The following CYSTM1 variants were observed in gnomAD, a reference collection of about 807,000 sequenced individuals.
CYSTM1 encodes cysteine rich transmembrane module containing 1.
Under a neutral mutation model 13.1 loss-of-function variants are expected in CYSTM1, and 4 were observed. The observed-to-expected ratio is 0.31, with a 90% CI of 0.15 to 0.70. CYSTM1 has a LOEUF of 0.70. Ranked by LOEUF, CYSTM1 falls within the 30% of genes least tolerant of loss-of-function variation. The probability of loss-of-function intolerance (pLI) is 0.72; values close to 1 mark genes in which losing one functional copy is unlikely to be tolerated. For missense variants in CYSTM1, 96 were observed against 121.6 expected (o/e 0.79, Z 0.99); for synonymous variants, 36 against 42.7 (o/e 0.84, Z 0.62).
intron 2 of CYSTM1, among the ~76,000 whole-genome samples, chr5:140,220,192 G>C (rs1764473299): frequency 6.6e-6 from 1 of 152,150 alleles, no homozygotes; most frequent in African/African-American, 2.4e-5. Flanking sequence ...TTGCTGCTCA[G>C]CAGGGTATGA....
intron 2 of CYSTM1, among the ~76,000 whole-genome samples, chr5:140,236,022 C>G (rs1035285564): frequency 2.0e-5 from 3 of 152,196 alleles, no homozygotes; most frequent in Non-Finnish European, 4.4e-5. Context: ...TAAGGCTTGT[C>G]TTCCCCTCAG....
intron 1 of CYSTM1, among the ~76,000 whole-genome samples, chr5:140,184,739 A>G (rs1386809583): frequency 6.6e-6 from 1 of 152,194 alleles, no homozygotes; most frequent in Non-Finnish European, 1.5e-5. Flanking sequence ...GGTTCTTTAC[A>G]GAAAGCTTTA....
chr5:140,221,744 T>A (rs1764495277), intron 2 of CYSTM1, among the ~76,000 whole-genome samples: 1 of 152,216 alleles, frequency 6.6e-6, no homozygotes, highest in South Asian at 2.1e-4. Context: ...AGGAGCAGGA[T>A]GTCTTTGAAG....
intron 2 of CYSTM1, among the ~76,000 whole-genome samples, chr5:140,228,577 G>C (rs1764586991): frequency 6.6e-6 from 1 of 152,196 alleles, no homozygotes; most frequent in African/African-American, 2.4e-5. Flanking sequence ...CAGTGAACCA[G>C]ATCAGCTTGG....
At chr5:140,190,291 GGTT>G (rs1305624239) in intron 1 of CYSTM1, among the ~76,000 whole-genome samples, 1 of 151,568 alleles carries the variant, frequency 6.6e-6, no homozygotes, top group Non-Finnish European at 1.5e-5. Flanking sequence ...TGGATATTTA[GGTT>G]GTTTTTTTCC....
chr5:140,190,086 T>A (rs991143181), intron 1 of CYSTM1, among the ~76,000 whole-genome samples: 1 of 152,194 alleles, frequency 6.6e-6, no homozygotes, highest in African/African-American at 2.4e-5. Context: ...GACTGTACTG[T>A]ATGGATGTGG....
At chr5:140,240,712 G>C (rs562772881) in intron 2 of CYSTM1, among the ~76,000 whole-genome samples, 1 of 152,198 alleles carries the variant, frequency 6.6e-6, no homozygotes, top group East Asian at 1.9e-4. Context: ...CCTGCACCTA[G>C]AAGATGCAGT....
In CYSTM1 at chr5:140,239,679, C is replaced by T. The variant is rs879615330; in HGVS notation, c.188-3626C>T. Among the ~76,000 whole-genome samples the T allele has an allele frequency of 6.6e-6, 1 of 152,234 alleles. No homozygotes were observed. Among genetic ancestry groups the T allele is most frequent in the Admixed American group, 6.5e-5 (1 of 15,288 alleles). On this transcript the variant is annotated intron_variant, in intron 2 of 2. Coordinates refer to ENST00000261811, the MANE Select transcript of CYSTM1 (RefSeq NM_032412.4). This position sits in a 1 kb window ranked among gnomAD's most constrained non-coding sequence, Gnocchi z 5.4. ...GCCACATCTGTGTGCTCACGCACCT[C>T]TCCCTGCACGTTCCCCACCCCACAC...
At chr5:140,185,352 A>G (rs985690104) in intron 1 of CYSTM1, among the ~76,000 whole-genome samples, 12 of 152,242 alleles carry the variant, frequency 7.9e-5, no homozygotes, top group African/African-American at 2.7e-4. Context: ...TGTTGATACA[A>G]AAGATACGTT....
chr5:140,243,492 C>G lies in CYSTM1; in HGVS notation c.*81C>G. 8.3e-7 allele frequency: 1 copy of G among 1,203,962 alleles called. No individual in the cohort carries two copies. Among genetic ancestry groups the G allele is most frequent in the East Asian group, 2.4e-5 (1 of 41,398 alleles). The allele number at this position is 1,203,962 out of a possible 1,614,324, so 74.6% of individuals were successfully genotyped here. On this transcript the variant is annotated 3_prime_UTR_variant, in exon 3 of 3. Coordinates refer to ENST00000261811, the MANE Select transcript of CYSTM1 (RefSeq NM_032412.4). ...TGCCTGCCCCCATCTCTTCTGATTG[C>G]TGTTAACAAATGACTAGCTTTGCAC...
chr5:140,202,607 G>C (rs1032689395), intron 2 of CYSTM1: 1 of 152,208 alleles, frequency 6.6e-6, no homozygotes, highest in Non-Finnish European at 1.5e-5. Context: ...GGTTGGATTT[G>C]TACACTTTCT....
intron 1 of CYSTM1, among the ~76,000 whole-genome samples, chr5:140,178,441 C>CT (rs577709524): frequency 0.053 from 2,812 of 52,654 alleles, 228 homozygotes; most frequent in African/African-American, 0.081. Flanking sequence ...CAAGTCCTTC[C>CT]TTTTTTTTTT....
intron 2 of CYSTM1, among the ~76,000 whole-genome samples, chr5:140,210,735 T>C (rs530595694): frequency 6.6e-6 from 1 of 152,156 alleles, no homozygotes; most frequent in South Asian, 2.1e-4. Flanking sequence ...TGGTCTTGAG[T>C]TCCTGGGCTC....
At chr5:140,178,202 A>C (rs193004841) in intron 1 of CYSTM1, among the ~76,000 whole-genome samples, 2 of 152,082 alleles carry the variant, frequency 1.3e-5, no homozygotes, top group African/African-American at 4.8e-5. Flanking sequence ...TTTGTCAACT[A>C]AGGCCTTGAG....
At chr5:140,205,643 G>A (rs371601745) in intron 2 of CYSTM1, among the ~76,000 whole-genome samples, 1 of 152,074 alleles carries the variant, frequency 6.6e-6, no homozygotes, top group African/African-American at 2.4e-5. Context: ...TGGGATTACG[G>A]GATTGTGATA....
intron 2 of CYSTM1, among the ~76,000 whole-genome samples, chr5:140,240,510 G>A (rs1034849919): frequency 5.9e-5 from 9 of 151,852 alleles, no homozygotes; most frequent in Non-Finnish European, 1.2e-4. Context: ...CCAGGACCCA[G>A]GTAGCATGGG....
At chr5:140,182,068 C>T (rs553095631) in intron 1 of CYSTM1, among the ~76,000 whole-genome samples, 1 of 152,296 alleles carries the variant, frequency 6.6e-6, no homozygotes, top group Admixed American at 6.5e-5. Context: ...TTAAAGTTGA[C>T]CCATTTTTTA....
At chr5:140,209,890 A>G (rs1009953450) in intron 2 of CYSTM1, among the ~76,000 whole-genome samples, 1 of 151,330 alleles carries the variant, frequency 6.6e-6, no homozygotes, top group African/African-American at 2.4e-5. Flanking sequence ...TTCTCACCTT[A>G]CTCATTTGTT....
At chr5:140,181,605 C>A (rs1489662231) in intron 1 of CYSTM1, among the ~76,000 whole-genome samples, 1 of 152,206 alleles carries the variant, frequency 6.6e-6, no homozygotes, top group African/African-American at 2.4e-5. Context: ...ACCTCAGTCT[C>A]CTGAGTAGCT....
Sources: gnomAD v4.1 joint callset for allele counts (sites outside exome capture counted in the v4.1 genomes callset) on GRCh38, gnomAD v4.1.1 for gene constraint, Gnocchi (gnomAD v3.1) non-coding constraint, MANE v1.5 for transcripts, NCBI Gene and HGNC (gene_info 2026-07-23, HGNC 2026-07-21) for gene names.